LRP12: variants seen among roughly 807,000 people sequenced by gnomAD.
The protein encoded by LRP12 is low-density lipoprotein receptor-related protein 12.
LRP12 carries 14 observed loss-of-function variants against 66.0 expected under a neutral mutation model. That is an observed-to-expected ratio of 0.21 (90% CI 0.14 to 0.33). The LOEUF (loss-of-function observed/expected upper bound fraction) is 0.33, where lower values mean the gene tolerates loss of function less well. Ranked by LOEUF, LRP12 falls within the 10% of genes least tolerant of loss-of-function variation. LRP12 has a pLI of 1.00. For synonymous variants in LRP12, 357 were observed against 359.1 expected (o/e 0.99, Z 0.07); for missense variants, 889 against 1,053.4 (o/e 0.84, Z 2.16).
Position 104,553,791 on chromosome 8 carries a change from G to T in LRP12, c.80-21828C>A, listed in dbSNP as rs113034683. ...ACACTACCACAGCTGATGCTCTCTT[G>T]AAAGTGCCACCTCCTGGCTGGAGGC... is the stretch of plus-strand genomic sequence containing the variant. On this transcript the variant is annotated intron_variant, in intron 1 of 6. Transcript: ENST00000276654. Among the ~76,000 whole-genome samples the T allele has an allele frequency of 3.4e-3, 519 of 152,278 alleles. 3 individuals are homozygous for T. The highest frequency in any genetic ancestry group is 0.012 in the African/African-American group (492 of 41,564).
chr8:104,493,489 G>A (rs1325212842), intron 6 of LRP12, among the ~76,000 whole-genome samples: 2 of 151,996 alleles, frequency 1.3e-5, no homozygotes, highest in Non-Finnish European at 2.9e-5. Flanking sequence ...CAAAGCCTCT[G>A]TCCTTGGCTT....
chr8:104,526,743 A>C (rs1157635076), intron 2 of LRP12, among the ~76,000 whole-genome samples: 3 of 148,358 alleles, frequency 2.0e-5, no homozygotes, highest in African/African-American at 2.6e-5. Context: ...AAGAAAACCT[A>C]GGCATTACCA....
intron 2 of LRP12, among the ~76,000 whole-genome samples, chr8:104,521,220 A>G (rs1345551069): frequency 6.6e-6 from 1 of 151,910 alleles, no homozygotes; most frequent in Admixed American, 6.6e-5. Flanking sequence ...AAATGCTCCA[A>G]TGAGCATTTC....
chr8:104,528,709 C>T (rs1035013873), intron 2 of LRP12, among the ~76,000 whole-genome samples: 4 of 151,314 alleles, frequency 2.6e-5, no homozygotes, highest in Admixed American at 6.6e-5. Context: ...CGGGAGGCAG[C>T]GGTCGTAGTG....
chr8:104,547,726 A>G (rs1212379481), intron 1 of LRP12, among the ~76,000 whole-genome samples: 2 of 127,488 alleles, frequency 1.6e-5, no homozygotes, highest in African/African-American at 6.0e-5. Flanking sequence ...ATTATGTTAT[A>G]TTTTGTATAT....
intron 2 of LRP12, among the ~76,000 whole-genome samples, chr8:104,527,145 C>G (rs1190035055): frequency 2.7e-5 from 4 of 150,066 alleles, no homozygotes; most frequent in East Asian, 1.9e-4. Context: ...CCATCTCACA[C>G]CAGTTAGAAT....
chr8:104,506,743 A>G (rs1269132638), intron 3 of LRP12: 1 of 152,120 alleles, frequency 6.6e-6, no homozygotes, highest in Non-Finnish European at 1.5e-5. Context: ...TTCCCCATGG[A>G]TAAGGTGGCC....
At chr8:104,549,425 CAG>C (rs763165242) in intron 1 of LRP12, among the ~76,000 whole-genome samples, 2,030 of 106,000 alleles carry the variant, frequency 0.019, 27 homozygotes, top group Non-Finnish European at 0.025. Context: ...TTTTTTGAGA[CAG>C]AGTCTTGCTC....
intron 3 of LRP12, among the ~76,000 whole-genome samples, chr8:104,501,824 T>C (rs1810832185): frequency 1.3e-5 from 2 of 152,272 alleles, no homozygotes. Context: ...GCAGAAGTTT[T>C]AAATTTTAGT....
At chr8:104,528,954 G>A (rs1166843056) in intron 2 of LRP12, among the ~76,000 whole-genome samples, 1 of 152,018 alleles carries the variant, frequency 6.6e-6, no homozygotes, top group East Asian at 1.9e-4. Flanking sequence ...CCATGAATAA[G>A]GTTTTACTCA....
At chr8:104,509,165 T>G (rs1206674185) in intron 2 of LRP12, 91 bp from the exon 3 acceptor site, 46 of 1,124,682 alleles carry the variant, frequency 4.1e-5, no homozygotes, top group Non-Finnish European at 5.5e-5. Flanking sequence ...ACCAAAAAAC[T>G]TTACACATCA....
rs1394633770 is a variant in LRP12 at position 104,588,801 on chromosome 8, G to C, written c.79+18C>G. 1 of 1,609,642 alleles carries C rather than the reference G, an allele frequency of 6.2e-7. No homozygotes were observed. The highest frequency in any genetic ancestry group is 1.1e-5 in the South Asian group (1 of 90,248). The stretch of plus-strand genomic sequence containing the variant: ...CAGCTTTGTTCGGTCAGCGGGGCGC[G>C]GGGACGCGGACACTTACCGTACACC... On this transcript the variant is annotated intron_variant, in intron 1 of 6. Coordinates refer to ENST00000276654, the MANE Select transcript of LRP12 (RefSeq NM_013437.5).
intron 1 of LRP12, among the ~76,000 whole-genome samples, chr8:104,539,496 C>CAA (rs34124299): frequency 2.0e-5 from 3 of 149,642 alleles, no homozygotes; most frequent in East Asian, 2.0e-4. Context: ...ATTTTTTAAA[C>CAA]AAAAAAAAAC....
rs75022199 is a variant in LRP12, at chr8:104,517,228, A to G, written c.137-8154T>C. 6.0e-4 allele frequency among the ~76,000 whole-genome samples: 91 copies of G among 151,014 alleles called. 1 individual carries two copies. In the East Asian group the frequency reaches 0.016, roughly 26 times the overall value. On this transcript the variant is annotated intron_variant, in intron 2 of 6. Transcript: ENST00000276654. ...ACAGTACATGATTTAATGCATAACA[A>G]GTAACTTTAGGCAAAGTATCACATG...
intron 6 of LRP12, among the ~76,000 whole-genome samples, chr8:104,492,061 T>A (rs34873943): frequency 0.069 from 10,479 of 152,040 alleles, 410 homozygotes; most frequent in South Asian, 0.08. Flanking sequence ...ACAGAGTTGG[T>A]TCTCAAGCAT....
intron 1 of LRP12, among the ~76,000 whole-genome samples, chr8:104,539,985 G>A (rs1244384658): frequency 6.6e-6 from 1 of 152,108 alleles, no homozygotes. Context: ...GCCTCATTTT[G>A]CTTGTGTTAC....
chr8:104,511,318 A>G (rs934320558), intron 2 of LRP12, among the ~76,000 whole-genome samples: 1 of 151,174 alleles, frequency 6.6e-6, no homozygotes, highest in Non-Finnish European at 1.5e-5. Context: ...CTGGGATTAC[A>G]GGCGTGAGCC....
chr8:104,525,413 T>G (rs1397981313), intron 2 of LRP12, among the ~76,000 whole-genome samples: 2 of 152,014 alleles, frequency 1.3e-5, no homozygotes, highest in Non-Finnish European at 2.9e-5. Context: ...TGGCAAGGAT[T>G]TGAGGAGGAA....
chr8:104,568,529 T>C (rs1339624830), intron 1 of LRP12, among the ~76,000 whole-genome samples: 1 of 152,182 alleles, frequency 6.6e-6, no homozygotes, highest in South Asian at 2.1e-4. Flanking sequence ...ATATATCAGA[T>C]AACGGGGTTA....
Sources: allele counts gnomAD v4.1 joint callset (sites outside exome capture counted in the v4.1 genomes callset), GRCh38; gene constraint gnomAD v4.1.1; transcripts MANE v1.5; gene names NCBI Gene and HGNC (gene_info 2026-07-23, HGNC 2026-07-21).